The following LCORL variants were observed in gnomAD, a reference collection of about 807,000 sequenced individuals.
LCORL encodes ligand-dependent nuclear receptor corepressor-like protein.
In LCORL, 41 loss-of-function variants were observed where a neutral mutation model predicts 141.8. The observed-to-expected ratio is 0.29, with a 90% CI of 0.23 to 0.38. LCORL has a LOEUF of 0.38. Among genes scored for constraint, LCORL ranks in the 10% least tolerant of loss-of-function variants. LCORL has a pLI of 1.00. For synonymous variants in LCORL, 618 were observed against 694.1 expected, an observed-to-expected ratio of 0.89 and a Z score of 1.72; for missense variants, 1,759 against 2,035.0, an observed-to-expected ratio of 0.86 and a Z score of 2.61.
Position 17,891,074 on chromosome 4 carries a change from T to C in LCORL, c.683-4913A>G, listed in dbSNP as rs535536777. Among the ~76,000 whole-genome samples the C allele has an allele frequency of 3.3e-5, 5 of 152,244 alleles. No homozygotes were observed. In the South Asian group the frequency reaches 6.2e-4, roughly 19 times the overall value. ...TATTCGACTGATTGCTAGAAAATAT[T>C]AGTAACTTACATTAAACCTAATGTG... On this transcript the variant is annotated intron_variant, in intron 5 of 7. Transcript: ENST00000635767.
intron 6 of LCORL, chr4:17,882,245 T>C (rs1727669156): frequency 1.0e-6 from 1 of 984,476 alleles, no homozygotes; most frequent in African/African-American, 1.8e-5. Context: ...TAAATTCAGC[T>C]AAAAGTATTC....
chr4:17,864,314 T>A (rs1270407941), intron 7 of LCORL, among the ~76,000 whole-genome samples: 1 of 152,030 alleles, frequency 6.6e-6, no homozygotes, highest in African/African-American at 2.4e-5. Flanking sequence ...AACCTCCACC[T>A]CCCAGACTCA....
At chr4:17,893,850 G>A (rs112751951) in intron 5 of LCORL, among the ~76,000 whole-genome samples, 9,672 of 152,192 alleles carry the variant, frequency 0.064, 570 homozygotes, top group African/African-American at 0.16. Context: ...CCAGGCTGGA[G>A]TGCAGTGGCA....
At chr4:17,854,268 AT>A (rs1434382525) in intron 7 of LCORL, among the ~76,000 whole-genome samples, 1 of 152,186 alleles carries the variant, frequency 6.6e-6, no homozygotes, top group Non-Finnish European at 1.5e-5. Flanking sequence ...TGTTAAAAGA[AT>A]TTATGTAAAG....
At chr4:17,893,206 C>G (rs981085862) in intron 5 of LCORL, 2 of 231,062 alleles carry the variant, frequency 8.7e-6, no homozygotes, top group Non-Finnish European at 7.1e-6. Context: ...CCCCTACTAC[C>G]ATAACTTTCA....
chr4:17,889,319 T>C (rs1728742691), intron 5 of LCORL, among the ~76,000 whole-genome samples: 1 of 152,104 alleles, frequency 6.6e-6, no homozygotes, highest in Non-Finnish European at 1.5e-5. Context: ...TTCATAGCCC[T>C]TTCTCCACAT....
rs80221748 is a variant in LCORL, at chr4:17,971,723, A to C, written c.220+1097T>G. ...TTAAAAGCATTAGATTTTATCATTAAAAATACTTTCAATCTGATAGTAAAC... is the reference window on the plus strand; with the variant it reads ...TTAAAAGCATTAGATTTTATCATTACAAATACTTTCAATCTGATAGTAAAC... On this transcript the variant is annotated intron_variant, in intron 2 of 7. Transcript: ENST00000635767. Among the ~76,000 whole-genome samples, 6 of 151,924 alleles carry C rather than the reference A, an allele frequency of 3.9e-5. No homozygotes were observed. The East Asian group carries it at 1.2e-3, about 29-fold the overall frequency.
chr4:17,849,258 T>G (rs1482793512), intron 7 of LCORL, among the ~76,000 whole-genome samples: 1 of 152,178 alleles, frequency 6.6e-6, no homozygotes, highest in Non-Finnish European at 1.5e-5. Context: ...CCGAGCAGCC[T>G]AACTGGGAGG....
At chr4:17,913,765 G>A (rs1732944341) in intron 4 of LCORL, among the ~76,000 whole-genome samples, 1 of 151,900 alleles carries the variant, frequency 6.6e-6, no homozygotes. Flanking sequence ...TAATTTTTTT[G>A]TTTCCTAATC....
chr4:17,969,981 G>A (rs376649652), intron 2 of LCORL, among the ~76,000 whole-genome samples: 4 of 151,982 alleles, frequency 2.6e-5, no homozygotes, highest in African/African-American at 7.2e-5. Flanking sequence ...GATATCTTTC[G>A]TATGTACTTT....
intron 4 of LCORL, among the ~76,000 whole-genome samples, chr4:17,956,199 T>C (rs538754149): frequency 1.3e-5 from 2 of 152,204 alleles, no homozygotes; most frequent in South Asian, 2.1e-4. Context: ...GCAACTCTTT[T>C]ACAGTTTCTG....
intron 4 of LCORL, among the ~76,000 whole-genome samples, chr4:17,952,055 A>C (rs1739809282): frequency 6.6e-6 from 1 of 152,226 alleles, no homozygotes; most frequent in African/African-American, 2.4e-5. Flanking sequence ...CATATAGCAC[A>C]TATTAGTTCT....
chr4:17,955,289 G>T (rs1249896181), intron 4 of LCORL, among the ~76,000 whole-genome samples: 2 of 152,154 alleles, frequency 1.3e-5, no homozygotes, highest in Admixed American at 6.5e-5. Flanking sequence ...CTTTGAATAG[G>T]ACAAGATGGA....
chr4:17,893,419 C>T (rs1002659421), intron 5 of LCORL: 1 of 981,692 alleles, frequency 1.0e-6, no homozygotes, highest in African/African-American at 1.7e-5. Context: ...TACTTAGTAA[C>T]ATAAGGATGT....
chr4:18,021,811 C>A lies in LCORL; in HGVS notation c.-60G>T. 2 of 1,309,310 alleles carry A rather than the reference C, an allele frequency of 1.5e-6. No individual in the cohort carries two copies. The highest frequency in any genetic ancestry group is 2.0e-6 in the Non-Finnish European group (2 of 1,008,500). The allele number at this position is 1,309,310 out of a possible 1,614,324, so 81.1% of individuals were successfully genotyped here. On this transcript the variant is annotated 5_prime_UTR_variant, in exon 1 of 8. Coordinates refer to ENST00000635767, the Ensembl canonical transcript of LCORL. This position sits in a 1 kb window ranked among gnomAD's most constrained non-coding sequence, Gnocchi z 5.5. ...GAGCAGCGCAGGCACGAGGCAGGGG[C>A]GCGAGCCCTCGGCGCGAGCCCCGGA... is the stretch of plus-strand genomic sequence containing the variant.
At chr4:17,983,510 T>G (rs1452926409) in intron 1 of LCORL, among the ~76,000 whole-genome samples, 2 of 152,184 alleles carry the variant, frequency 1.3e-5, no homozygotes, top group Non-Finnish European at 2.9e-5. Context: ...CCCGGATATT[T>G]TATTCTTTTT....
At chr4:17,900,528 C>CA (rs1730706521) in intron 5 of LCORL, among the ~76,000 whole-genome samples, 1 of 152,160 alleles carries the variant, frequency 6.6e-6, no homozygotes, top group Non-Finnish European at 1.5e-5. Flanking sequence ...AATAACCTCT[C>CA]AGTCACTTTT....
intron 6 of LCORL, chr4:17,881,443 GTTGA>G (rs1052081773): frequency 6.4e-5 from 57 of 894,352 alleles, no homozygotes; most frequent in South Asian, 1.5e-4. Context: ...AAAGTTATGG[GTTGA>G]TTATTACCTA....
Position 17,947,517 on chromosome 4 carries a change from G to C in LCORL, c.430+14386C>G, listed in dbSNP as rs572224761. 1.4e-4 allele frequency among the ~76,000 whole-genome samples: 22 copies of C among 151,898 alleles called. No individual in the cohort carries two copies. In the East Asian group the frequency reaches 4.3e-3, roughly 29 times the overall value. On this transcript the variant is annotated intron_variant, in intron 4 of 7. Transcript: ENST00000635767. ...TGTGATGAATAGAGTTAAAAATAGA[G>C]TACTATACCTTTCAAAATCACTAAG...
Sources: allele counts gnomAD v4.1 joint callset (sites outside exome capture counted in the v4.1 genomes callset), GRCh38; gene constraint gnomAD v4.1.1; non-coding constraint Gnocchi (gnomAD v3.1); transcripts MANE v1.5; gene names NCBI Gene and HGNC (gene_info 2026-07-23, HGNC 2026-07-21).